Variants in CABCOCO1 observed in about 807,000 individuals in gnomAD.
CABCOCO1 encodes the protein ciliary associated calcium binding coiled-coil 1, also known as ciliary-associated calcium-binding coiled-coil protein 1.
In CABCOCO1, 28 loss-of-function variants were observed where a neutral mutation model predicts 35.7. That is an observed-to-expected ratio of 0.78 (90% CI 0.58 to 1.07). The LOEUF (loss-of-function observed/expected upper bound fraction) is 1.07, where lower values mean the gene tolerates loss of function less well. CABCOCO1 is among the 50% of genes least tolerant of loss of function. The pLI is 0.00. For missense variants in CABCOCO1, 326 were observed against 309.2 expected, an observed-to-expected ratio of 1.05 and a Z score of -0.41; for synonymous variants, 95 against 100.1, an observed-to-expected ratio of 0.95 and a Z score of 0.30.
intron 5 of CABCOCO1, among the ~76,000 whole-genome samples, chr10:61,726,340 A>T (rs1841148729): frequency 6.6e-6 from 1 of 152,160 alleles, no homozygotes; most frequent in East Asian, 1.9e-4. Context: ...TATTCACAGG[A>T]TATTGACATA....
chr10:61,701,454 A>T (rs1840456898), intron 5 of CABCOCO1, among the ~76,000 whole-genome samples: 1 of 152,166 alleles, frequency 6.6e-6, no homozygotes, highest in South Asian at 2.1e-4. Context: ...TTCATGAGTT[A>T]TATAAGTCAT....
chr10:61,748,639 C>T (rs1841716712), intron 5 of CABCOCO1, among the ~76,000 whole-genome samples: 1 of 152,208 alleles, frequency 6.6e-6, no homozygotes, highest in Non-Finnish European at 1.5e-5. Context: ...GTGACAATGA[C>T]AGTGTTTTGA....
intron 3 of CABCOCO1, chr10:61,685,026 A>G (rs1330258144): frequency 6.6e-6 from 1 of 152,224 alleles, no homozygotes; most frequent in Non-Finnish European, 1.5e-5. Flanking sequence ...AGAATAGATG[A>G]GAAATCACTG....
chr10:61,683,878 A>T (rs1409459262), intron 3 of CABCOCO1, among the ~76,000 whole-genome samples: 1 of 152,190 alleles, frequency 6.6e-6, no homozygotes, highest in Non-Finnish European at 1.5e-5. Flanking sequence ...AGTTTTAAAG[A>T]TTCAACTATT....
chr10:61,759,004 T>C (rs1379668805), intron 5 of CABCOCO1, among the ~76,000 whole-genome samples: 2 of 152,112 alleles, frequency 1.3e-5, no homozygotes, highest in Admixed American at 6.6e-5. Flanking sequence ...TATTATTTCA[T>C]TGGGTTTTTT....
At chr10:61,763,661 G>A (rs1175308415) in intron 7 of CABCOCO1, among the ~76,000 whole-genome samples, 1 of 151,874 alleles carries the variant, frequency 6.6e-6, no homozygotes, top group Non-Finnish European at 1.5e-5. Flanking sequence ...AAAACTTTGA[G>A]GGAAGTTTGC....
chr10:61,701,833 CA>C (rs1840466481), intron 5 of CABCOCO1: 1 of 961,494 alleles, frequency 1.0e-6, no homozygotes, highest in Non-Finnish European at 1.2e-6. Flanking sequence ...AGAAAAGATT[CA>C]GAGTGGATAT....
chr10:61,730,328 T>C (rs1301542368), intron 5 of CABCOCO1, among the ~76,000 whole-genome samples: 1 of 152,120 alleles, frequency 6.6e-6, no homozygotes, highest in Non-Finnish European at 1.5e-5. Context: ...GGACTCCTCC[T>C]AGCCAATGTG....
chr10:61,743,591 A>G (rs933020385), intron 5 of CABCOCO1, among the ~76,000 whole-genome samples: 2 of 152,190 alleles, frequency 1.3e-5, no homozygotes, highest in Non-Finnish European at 2.9e-5. Context: ...TGATTTTCCC[A>G]GAGGTCTTGT....
At chr10:61,694,243 T>C (rs1840233840) in intron 5 of CABCOCO1, among the ~76,000 whole-genome samples, 1 of 149,138 alleles carries the variant, frequency 6.7e-6, no homozygotes, top group Non-Finnish European at 1.5e-5. Context: ...TGTCACACTG[T>C]TGGCCTGGAA....
intron 5 of CABCOCO1, among the ~76,000 whole-genome samples, chr10:61,727,061 C>T (rs1435355385): frequency 6.7e-6 from 1 of 148,360 alleles, no homozygotes; most frequent in Non-Finnish European, 1.5e-5. Context: ...GACCCTGCCA[C>T]ATACACAAAA....
chr10:61,742,035 T>A (rs1287389575), intron 5 of CABCOCO1, among the ~76,000 whole-genome samples: 2 of 152,112 alleles, frequency 1.3e-5, no homozygotes, highest in Non-Finnish European at 2.9e-5. Context: ...GTGGTCTGAG[T>A]CACATGGAAC....
chr10:61,668,921 A>T (rs185565196), intron 1 of CABCOCO1, among the ~76,000 whole-genome samples: 1 of 149,952 alleles, frequency 6.7e-6, no homozygotes, highest in Non-Finnish European at 1.5e-5. Context: ...TTCAGTAAAG[A>T]TCAGATCTGT....
chr10:61,763,783 T>A (rs538273582), intron 7 of CABCOCO1, among the ~76,000 whole-genome samples: 2 of 151,614 alleles, frequency 1.3e-5, no homozygotes, highest in South Asian at 2.1e-4. Context: ...AACATATTTT[T>A]TTTCCTTAAA....
At chr10:61,742,600 G>A (rs1444067654) in intron 5 of CABCOCO1, among the ~76,000 whole-genome samples, 6 of 152,116 alleles carry the variant, frequency 3.9e-5, no homozygotes, top group African/African-American at 1.2e-4. Flanking sequence ...CTTGTTCCTC[G>A]TCTAAAAATG....
intron 1 of CABCOCO1, among the ~76,000 whole-genome samples, chr10:61,667,828 TC>T (rs1477286023): frequency 2.0e-5 from 3 of 151,946 alleles, no homozygotes; most frequent in Non-Finnish European, 2.9e-5. Context: ...TTTTCAAATT[TC>T]CTCATTTCTG....
chr10:61,681,256 T>A lies in CABCOCO1; in HGVS notation c.278T>A (p.Ile93Asn). The A allele has an allele frequency of 6.4e-7, 1 of 1,569,940 alleles. No homozygotes were observed. The highest frequency in any genetic ancestry group is 8.7e-7 in the Non-Finnish European group (1 of 1,149,380). ...TGGGCTAGAGGAATGGATTTCTCTA[T>A]TATTCAGTATTCAAAATTTATGACT... ...FLWARGMDFS[I>N]IQYSKFMTLL... The change falls in exon 3 of 8, where the codon ATT becomes AAT. Residue 93 changes from isoleucine (I) to asparagine (N), a missense_variant. Transcript: ENST00000648843.
chr10:61,683,063 G>T (rs935279981), intron 3 of CABCOCO1, among the ~76,000 whole-genome samples: 17 of 151,796 alleles, frequency 1.1e-4, no homozygotes, highest in Non-Finnish European at 2.2e-4. Context: ...GCTAATTTTT[G>T]TATTTTTAGT....
At chr10:61,734,704 T>A (rs1841377309) in intron 5 of CABCOCO1, among the ~76,000 whole-genome samples, 2 of 152,128 alleles carry the variant, frequency 1.3e-5, no homozygotes, top group African/African-American at 2.4e-5. Flanking sequence ...GACCATTAGC[T>A]AACTGGCAAC....
Sources: gnomAD v4.1 joint callset for allele counts (sites outside exome capture counted in the v4.1 genomes callset) on GRCh38, gnomAD v4.1.1 for gene constraint, MANE v1.5 for transcripts, NCBI Gene and HGNC (gene_info 2026-07-23, HGNC 2026-07-21) for gene names.